Variants in LCORL observed in about 807,000 individuals in gnomAD.
The protein encoded by LCORL is ligand-dependent nuclear receptor corepressor-like protein.
LCORL carries 41 observed loss-of-function variants against 141.8 expected under a neutral mutation model. The observed-to-expected ratio is 0.29, with a 90% CI of 0.23 to 0.38. The LOEUF (loss-of-function observed/expected upper bound fraction) is 0.38, where lower values mean the gene tolerates loss of function less well. Ranked by LOEUF, LCORL falls within the 10% of genes least tolerant of loss-of-function variation. The pLI is 1.00. For synonymous variants in LCORL, 618 were observed against 694.1 expected, an observed-to-expected ratio of 0.89 and a Z score of 1.72; for missense variants, 1,759 against 2,035.0, an observed-to-expected ratio of 0.86 and a Z score of 2.61.
At chr4:17,845,954 A>T in intron 7 of LCORL, 53 bp from the exon 8 acceptor site, 1 of 1,411,832 alleles carries the variant, frequency 7.1e-7, no homozygotes, top group Non-Finnish European at 9.8e-7. Context: ...CAAAGTAATT[A>T]TCAACCTTGT....
intron 7 of LCORL, among the ~76,000 whole-genome samples, chr4:17,864,671 T>A (rs1303787690): frequency 1.3e-5 from 2 of 152,224 alleles, no homozygotes; most frequent in Non-Finnish European, 2.9e-5. Flanking sequence ...ACATTAAATG[T>A]AAGTGGTCTA....
intron 4 of LCORL, among the ~76,000 whole-genome samples, chr4:17,931,419 T>C (rs2109423178): frequency 6.6e-6 from 1 of 152,210 alleles, no homozygotes; most frequent in East Asian, 1.9e-4. Flanking sequence ...AAATGTAATT[T>C]ATTTTTCTTT....
rs80152249 is a variant in LCORL, at chr4:17,954,913, C to A, written c.430+6990G>T. The stretch of plus-strand genomic sequence containing the variant: ...CAGGTCATTGTGGGATGCCTATTAG[C>A]CACTGTAGTGAAGAATTATCAACTA... On this transcript the variant is annotated intron_variant, in intron 4 of 7. Coordinates refer to ENST00000635767, the Ensembl canonical transcript of LCORL. Among the ~76,000 whole-genome samples, 1,180 of 152,208 alleles carry A rather than the reference C, an allele frequency of 7.8e-3. 11 individuals are homozygous for A. The highest frequency in any genetic ancestry group is 0.027 in the African/African-American group (1,116 of 41,524).
At chr4:17,878,321 T>C in intron 6 of LCORL, 108 bp from the exon 7 acceptor site, 1 of 655,966 alleles carries the variant, frequency 1.5e-6, no homozygotes, top group East Asian at 3.5e-5. Context: ...GCTGGACTCC[T>C]GACTCCTAGA....
chr4:18,019,600 T>G (rs1472858815), intron 1 of LCORL, among the ~76,000 whole-genome samples: 1 of 152,222 alleles, frequency 6.6e-6, no homozygotes, highest in Non-Finnish European at 1.5e-5. Flanking sequence ...TGAATTGTGT[T>G]TCATTTAAAG....
At chr4:17,974,202 T>C (rs1560426687) in intron 1 of LCORL, among the ~76,000 whole-genome samples, 2 of 152,248 alleles carry the variant, frequency 1.3e-5, no homozygotes. Context: ...CATCTGTTGC[T>C]GATAACATAG....
intron 1 of LCORL, among the ~76,000 whole-genome samples, chr4:17,989,674 C>T (rs1472563678): frequency 6.6e-6 from 1 of 152,180 alleles, no homozygotes; most frequent in African/African-American, 2.4e-5. Flanking sequence ...AAAATGTCTT[C>T]ATATTGTTCA....
Position 17,875,575 on chromosome 4 carries a change from T to C in LCORL, c.3415A>G (p.Ser1139Gly), listed in dbSNP as rs1268273656. 7 of 1,231,206 alleles carry C rather than the reference T, an allele frequency of 5.7e-6. No homozygotes were observed. In the African/African-American group the frequency reaches 1.1e-4, roughly 19 times the overall value. The allele number at this position is 1,231,206 out of a possible 1,614,324, so 76.3% of individuals were successfully genotyped here. A position where few individuals can be genotyped will look rare whatever the true frequency, so the allele number is the denominator to read the frequency against. Residue 1139 changes from serine to glycine, a missense_variant, in exon 7 of 8, where the codon AGT becomes GGT. Around this residue, in one of 5 missense-constraint regions of LCORL, gnomAD observed 1,311 missense variants for 1,531.3 expected, o/e 0.86. Coordinates refer to ENST00000635767, the Ensembl canonical transcript of LCORL. ...CCGTAAATAACAGTTACTGTAATAC[T>C]CTTTTTATAAATACCTTCTTTTACT... is the stretch of plus-strand genomic sequence containing the variant.
At chr4:17,966,965 T>C (rs554375448) in intron 2 of LCORL, among the ~76,000 whole-genome samples, 2 of 152,280 alleles carry the variant, frequency 1.3e-5, no homozygotes, top group South Asian at 4.1e-4. Flanking sequence ...ACAAAAAAAT[T>C]TGCCTGTGTT....
intron 2 of LCORL, among the ~76,000 whole-genome samples, chr4:17,970,249 C>G (rs1715675652): frequency 6.6e-6 from 1 of 152,148 alleles, no homozygotes; most frequent in South Asian, 2.1e-4. Flanking sequence ...TCTAAACCAA[C>G]ACTACTCATT....
intron 4 of LCORL, among the ~76,000 whole-genome samples, chr4:17,946,261 T>C (rs554006206): frequency 1.3e-5 from 2 of 152,138 alleles, no homozygotes; most frequent in East Asian, 1.9e-4. Context: ...TCCTCCTTTA[T>C]TTCCTTGGCC....
intron 7 of LCORL, among the ~76,000 whole-genome samples, chr4:17,870,192 CA>C (rs2070528285): frequency 1.3e-5 from 2 of 152,124 alleles, no homozygotes; most frequent in Admixed American, 1.3e-4. Flanking sequence ...GGTTGGAGCA[CA>C]GTGGCACAAT....
rs567473273 is a variant in LCORL at position 17,861,316 on chromosome 4, C to A, written c.5602+12072G>T. On this transcript the variant is annotated intron_variant, in intron 7 of 7. Coordinates refer to ENST00000635767, the Ensembl canonical transcript of LCORL. ...GACTTCTGTGCACCCACAGGCTCAA[C>A]AGCATGTGGAAGCCGCCAAGGCACT... 2.0e-5 allele frequency among the ~76,000 whole-genome samples: 3 copies of A among 152,348 alleles called. No homozygotes were observed. In the East Asian group the frequency reaches 5.8e-4, roughly 29 times the overall value.
At chr4:17,849,101 A>G (rs1460252411) in intron 7 of LCORL, among the ~76,000 whole-genome samples, 4 of 152,242 alleles carry the variant, frequency 2.6e-5, no homozygotes, top group African/African-American at 7.2e-5. Context: ...CTCTGGGGGC[A>G]GGGCACAGAC....
At chr4:17,908,430 A>G (rs1398950480) in intron 5 of LCORL, among the ~76,000 whole-genome samples, 1 of 152,226 alleles carries the variant, frequency 6.6e-6, no homozygotes, top group Non-Finnish European at 1.5e-5. Context: ...AAGACTGACA[A>G]TACTATTCCT....
exon 7 of LCORL, chr4:17,873,942 G>C: frequency 8.1e-7 from 1 of 1,233,874 alleles, no homozygotes; most frequent in Non-Finnish European, 1.0e-6. Flanking sequence ...CTCAAAACTA[G>C]CATGTATTTT....
At chr4:17,909,371 C>A (rs1158310557) in intron 4 of LCORL, 26 bp from the exon 5 acceptor site, 2 of 1,497,748 alleles carry the variant, frequency 1.3e-6, no homozygotes, top group South Asian at 1.3e-5. Flanking sequence ...ATATAATAAT[C>A]ATTTTAAAAA....
At chr4:17,943,171 G>A (rs1048023916) in intron 4 of LCORL, among the ~76,000 whole-genome samples, 11 of 152,056 alleles carry the variant, frequency 7.2e-5, no homozygotes, top group African/African-American at 2.7e-4. Context: ...AGAGAATCAA[G>A]AGCTCATATA....
intron 5 of LCORL, among the ~76,000 whole-genome samples, chr4:17,893,081 T>C (rs994523974): frequency 2.0e-5 from 3 of 152,128 alleles, no homozygotes; most frequent in Non-Finnish European, 4.4e-5. Context: ...AACTATACAG[T>C]TTAATGAATT....
Sources: allele counts gnomAD v4.1 joint callset (sites outside exome capture counted in the v4.1 genomes callset), GRCh38; gene constraint gnomAD v4.1.1; regional missense constraint gnomAD v4.1.1; transcripts MANE v1.5; gene names NCBI Gene and HGNC (gene_info 2026-07-23, HGNC 2026-07-21).